CCNB1: variants seen among roughly 807,000 people sequenced by gnomAD.
The protein encoded by CCNB1 is G2/mitotic-specific cyclin-B1.
A neutral mutation model predicts 44.4 loss-of-function variants in CCNB1; 26 were observed. That is an observed-to-expected ratio of 0.59 (90% confidence interval 0.43 to 0.81). The LOEUF is 0.81. Ranked by LOEUF, CCNB1 falls within the 40% of genes least tolerant of loss-of-function variation. CCNB1 has a pLI of 0.00. For missense variants in CCNB1, 477 were observed against 520.9 expected (o/e 0.92, Z 0.82); for synonymous variants, 195 against 181.4 (o/e 1.08, Z -0.60).
rs182128086 is a variant in CCNB1, at chr5:69,172,974, C to T, written c.547-1277C>T. Among the ~76,000 whole-genome samples the T allele has an allele frequency of 3.0e-3, 453 of 151,864 alleles. 5 individuals carry two copies. The highest frequency in any genetic ancestry group is 0.014 in the Admixed American group (207 of 15,220). ...ATTTTTAGTAGAGACGGGGTTTCACCGTGTTAGCCAGGATGGTCTCAATCT... is the reference window on the plus strand; with the variant it reads ...ATTTTTAGTAGAGACGGGGTTTCACTGTGTTAGCCAGGATGGTCTCAATCT... On this transcript the variant is annotated intron_variant, in intron 4 of 8. Transcript: ENST00000256442.
At chr5:69,172,769 C>CTTTTTTT (rs922322066) in intron 4 of CCNB1, among the ~76,000 whole-genome samples, 10 of 96,794 alleles carry the variant, frequency 1.0e-4, no homozygotes, top group African/African-American at 1.2e-4. Context: ...TGTGCTGTTT[C>CTTTTTTT]TTTTTTTTTT....
intron 5 of CCNB1, 110 bp from the exon 6 acceptor site, chr5:69,174,766 TG>T: frequency 1.3e-6 from 1 of 760,694 alleles, no homozygotes; most frequent in Non-Finnish European, 2.1e-6. Context: ...TTGGGGGATA[TG>T]GTGTCATTAA....
rs1747552317 is a variant in CCNB1 at position 69,175,056 on chromosome 5, T to C, written c.885T>C (p.Phe295=). 6.2e-7 allele frequency: 1 copy of C among 1,614,072 alleles called. No individual in the cohort carries two copies. Among genetic ancestry groups the C allele is most frequent in the Admixed American group, 1.7e-5 (1 of 59,994 alleles). ...MEMKILRALN[F]GLGRPLPLHF... ...TGAAGATTCTAAGAGCTTTAAACTTTGGTCTGGGTCGGCCTCTACCTTTGC... is the reference window on the plus strand; with the variant it reads ...TGAAGATTCTAAGAGCTTTAAACTTCGGTCTGGGTCGGCCTCTACCTTTGC... The change falls in exon 6 of 9, where the codon TTT becomes TTC. Residue 295 remains phenylalanine, a synonymous_variant. Coordinates refer to ENST00000256442, the MANE Select transcript of CCNB1 (RefSeq NM_031966.4).
At position 69,167,988 on chromosome 5, in the gene CCNB1, C is replaced by T. The variant is rs1243027571; in HGVS notation, c.102C>T (p.Thr34=). The T allele has an allele frequency of 1.7e-5, 27 of 1,614,108 alleles. No homozygotes were observed. Among genetic ancestry groups the T allele is most frequent in the Non-Finnish European group, 2.2e-5 (26 of 1,180,040 alleles). The part of the protein sequence containing the change: ...AKRVPTAPAA[T]SKPGLRPRTA... Reference sequence around the variant, plus strand: ...GCGTTCCTACGGCCCCTGCTGCAACCTCCAAGCCCGGACTGAGGCCAAGAA... The same window carrying T: ...GCGTTCCTACGGCCCCTGCTGCAACTTCCAAGCCCGGACTGAGGCCAAGAA... The change falls in exon 2 of 9, where the codon ACC becomes ACT. Residue 34 remains threonine, a synonymous_variant. Coordinates refer to ENST00000256442, the MANE Select transcript of CCNB1 (RefSeq NM_031966.4).
chr5:69,174,833 C>A (rs1276286040), intron 5 of CCNB1, 44 bp from the exon 6 acceptor site: 2 of 1,482,376 alleles, frequency 1.3e-6, no homozygotes, highest in South Asian at 2.3e-5. Context: ...CTCTGTGTCT[C>A]CTTTTCAAAC....
chr5:69,175,331 G>A, intron 6 of CCNB1, 66 bp from the exon 7 acceptor site: 1 of 1,466,906 alleles, frequency 6.8e-7, no homozygotes, highest in Non-Finnish European at 9.4e-7. Context: ...GATACATATG[G>A]GCATGCAGGT....
intron 1 of CCNB1, 45 bp from the exon 2 acceptor site, chr5:69,167,859 TACTC>T (rs1747370239): frequency 6.5e-7 from 1 of 1,527,482 alleles, no homozygotes; most frequent in Admixed American, 2.1e-5. Context: ...ACCCTTGACT[TACTC>T]GAGCCTTCGT....
rs1747630989 is a variant in CCNB1 at position 69,177,787 on chromosome 5, G to A, written c.*156G>A. On this transcript the variant is annotated 3_prime_UTR_variant, in exon 9 of 9. Coordinates refer to ENST00000256442, the MANE Select transcript of CCNB1 (RefSeq NM_031966.4). ...TTGAATGTGGTTACTTCCTACTGTA[G>A]GGTAGCGGAAAAGTTGTCTTAAAAG... 3 of 557,982 alleles carry A rather than the reference G, an allele frequency of 5.4e-6. No individual in the cohort carries two copies. The highest frequency in any genetic ancestry group is 9.6e-6 in the Non-Finnish European group (3 of 312,220). 34.6% of individuals were successfully genotyped at this position (557,982 alleles called of 1,614,324 possible).
intron 7 of CCNB1, 78 bp from the exon 8 acceptor site, chr5:69,177,161 G>A: frequency 1.3e-6 from 1 of 794,476 alleles, no homozygotes; most frequent in South Asian, 1.6e-5. Context: ...TTCCACTCCT[G>A]AATAACATCT....
At chr5:69,171,763 ACT>A (rs1747464887) in intron 4 of CCNB1, among the ~76,000 whole-genome samples, 1 of 152,134 alleles carries the variant, frequency 6.6e-6, no homozygotes, top group African/African-American at 2.4e-5. Context: ...TAAGTCCCAA[ACT>A]CTGCATTTTA....
intron 7 of CCNB1, among the ~76,000 whole-genome samples, chr5:69,175,826 T>A (rs944947440): frequency 6.6e-6 from 1 of 151,820 alleles, no homozygotes; most frequent in African/African-American, 2.4e-5. Context: ...TTTTTTCATG[T>A]CAGATGGGTA....
At position 69,167,268 on chromosome 5, in the gene CCNB1, G is replaced by T. The variant is rs751177924; in HGVS notation, c.6G>T (p.Ala2=). ...TGCCTGGTGAAGAGGAAGCCATGGCGCTCCGAGTCACCAGGGTGAGCCGCT... is the reference window on the plus strand; with the variant it reads ...TGCCTGGTGAAGAGGAAGCCATGGCTCTCCGAGTCACCAGGGTGAGCCGCT... M[A]LRVTRNSKIN... is the part of the protein sequence containing the mutation. The change falls in exon 1 of 9, where the codon GCG becomes GCT. Residue 2 remains alanine (A), a synonymous_variant. Transcript: ENST00000256442. The T allele has an allele frequency of 6.4e-7, 1 of 1,574,100 alleles. No homozygotes were observed. Among genetic ancestry groups the T allele is most frequent in the East Asian group, 2.3e-5 (1 of 42,810 alleles).
At chr5:69,173,019 C>T (rs996248533) in intron 4 of CCNB1, among the ~76,000 whole-genome samples, 13 of 152,034 alleles carry the variant, frequency 8.6e-5, no homozygotes, top group African/African-American at 1.7e-4. Flanking sequence ...ATGATCCACC[C>T]GCCTTGGCCT....
rs1747628073 is a variant in CCNB1 at position 69,177,696 on chromosome 5, T to A, written c.*65T>A. The A allele has an allele frequency of 5.4e-6, 5 of 919,206 alleles. No homozygotes were observed. The highest frequency in any genetic ancestry group is 8.7e-6 in the Non-Finnish European group (5 of 572,498). The allele number at this position is 919,206 out of a possible 1,614,324, so 56.9% of individuals were successfully genotyped here. On this transcript the variant is annotated 3_prime_UTR_variant, in exon 9 of 9. Transcript: ENST00000256442. ...ATTGGCACCATGTGCCATCTGTACA[T>A]ATTACTGTTGCATTTACTTTTAATA...
Position 69,167,953 on chromosome 5 carries a change from G to A in CCNB1, c.67G>A (p.Gly23Ser), listed in dbSNP as rs759860075. 4.8e-5 allele frequency: 78 copies of A among 1,613,618 alleles called. No homozygotes were observed. The highest frequency in any genetic ancestry group is 6.2e-5 in the Non-Finnish European group (73 of 1,179,944). The change falls in exon 2 of 9, where the codon GGC (glycine) becomes AGC (serine). Residue 23 changes from glycine to serine, a missense_variant. Physicochemically the swap from Gly to Ser is moderately conservative, Grantham distance 56. Coordinates refer to ENST00000256442, the MANE Select transcript of CCNB1 (RefSeq NM_031966.4). ...AENKAKINMA[G>S]AKRVPTAPAA... ...AAATAAGGCGAAGATCAACATGGCAGGCGCAAAGCGCGTTCCTACGGCCCC... is the reference window on the plus strand; with the variant it reads ...AAATAAGGCGAAGATCAACATGGCAAGCGCAAAGCGCGTTCCTACGGCCCC...
rs533412938 is a variant in CCNB1, at chr5:69,176,851, C to T, written c.1084-388C>T. ...AAAATTAGCCAGGTGTGGCAGTGCG[C>T]GCCTGTAATCCCAGCTACTCAGGAG... is the stretch of plus-strand genomic sequence containing the variant. On this transcript the variant is annotated intron_variant, in intron 7 of 8. Coordinates refer to ENST00000256442, the MANE Select transcript of CCNB1 (RefSeq NM_031966.4). Among the ~76,000 whole-genome samples, 13 of 151,786 alleles carry T rather than the reference C, an allele frequency of 8.6e-5. 1 individual carries two copies. The South Asian group carries it at 1.0e-3, about 12-fold the overall frequency.
Position 69,168,389 on chromosome 5 carries a change from CCCTTATT to C in CCNB1, c.363+47_363+53del, listed in dbSNP as rs1747387986. 5 of 1,606,348 alleles carry C rather than the reference CCCTTATT, an allele frequency of 3.1e-6. No individual in the cohort carries two copies. The East Asian group carries it at 1.1e-4, about 36-fold the overall frequency. ...GTAGAGTCTGTTGATTATTTCTTGT[CCCTTATT>C]TCACTGATACATGCAAGAGCATTCA... On this transcript the variant is annotated intron_variant, in intron 3 of 8. Coordinates refer to ENST00000256442, the MANE Select transcript of CCNB1 (RefSeq NM_031966.4).
intron 3 of CCNB1, among the ~76,000 whole-genome samples, chr5:69,169,082 A>T (rs1000478296): frequency 9.9e-5 from 15 of 152,022 alleles, no homozygotes; most frequent in African/African-American, 3.4e-4. Context: ...TCTGAAAAAA[A>T]CTTGTTGAGA....
At position 69,171,418 on chromosome 5, in the gene CCNB1, T is replaced by C; in HGVS notation, c.512T>C (p.Val171Ala). ...GATCCAAACCTTTGTAGTGAATATG[T>C]GAAAGATATTTATGCTTATCTGAGA... ...GADPNLCSEY[V>A]KDIYAYLRQL... Residue 171 changes from valine to alanine, a missense_variant, in exon 4 of 9, where the codon GTG (valine) becomes GCG (alanine). Coordinates refer to ENST00000256442, the MANE Select transcript of CCNB1 (RefSeq NM_031966.4). The C allele has an allele frequency of 6.2e-7, 1 of 1,610,490 alleles. No individual in the cohort carries two copies. The highest frequency in any genetic ancestry group is 8.5e-7 in the Non-Finnish European group (1 of 1,179,150).
Sources: gnomAD v4.1 joint callset for allele counts (sites outside exome capture counted in the v4.1 genomes callset) on GRCh38, gnomAD v4.1.1 for gene constraint, MANE v1.5 for transcripts, NCBI Gene and HGNC (gene_info 2026-07-23, HGNC 2026-07-21) for gene names.